Variants in SATB2 observed in about 807,000 individuals in gnomAD.
SATB2 encodes the protein SATB homeobox 2.
A neutral mutation model predicts 73.4 loss-of-function variants in SATB2; 1 was observed. That is an observed-to-expected ratio of 0.01 (90% CI 0.00 to 0.06). SATB2 has a LOEUF of 0.06. Among genes scored for constraint, SATB2 ranks in the 10% least tolerant of loss-of-function variants. The pLI is 1.00. For synonymous variants in SATB2, 397 were observed against 367.0 expected (o/e 1.08, Z -0.93); for missense variants, 459 against 945.8 (o/e 0.49, Z 6.75).
At chr2:199,410,597 G>A (rs1690782672) in intron 3 of SATB2, among the ~76,000 whole-genome samples, 1 of 152,198 alleles carries the variant, frequency 6.6e-6, no homozygotes, top group Admixed American at 6.5e-5. Flanking sequence ...CAATCTTGAG[G>A]TGAGACCACA....
intron 5 of SATB2, among the ~76,000 whole-genome samples, chr2:199,370,946 C>CAAAAAAAA (rs67348909): frequency 2.9e-5 from 2 of 69,560 alleles, no homozygotes; most frequent in African/African-American, 5.1e-5. Flanking sequence ...ATGAACTGAG[C>CAAAAAAAA]AAAAAAAAAA....
intron 3 of SATB2, among the ~76,000 whole-genome samples, chr2:199,391,974 T>C (rs1266522491): frequency 1.3e-5 from 2 of 152,312 alleles, no homozygotes; most frequent in East Asian, 3.9e-4. Context: ...GGGTTGTTTT[T>C]CTCTCCATTC....
At chr2:199,376,017 C>T (rs16831398) in intron 5 of SATB2, among the ~76,000 whole-genome samples, 3,084 of 152,238 alleles carry the variant, frequency 0.02, 101 homozygotes, top group African/African-American at 0.069. Context: ...ACAAAATAGG[C>T]GCGCTTATCT....
At chr2:199,409,465 C>A (rs1187911914) in intron 3 of SATB2, among the ~76,000 whole-genome samples, 1 of 152,256 alleles carries the variant, frequency 6.6e-6, no homozygotes, top group South Asian at 2.1e-4. Flanking sequence ...CCACTGCGCC[C>A]GGCCGCAAAC....
At chr2:199,325,456 T>C (rs1216474938) in intron 8 of SATB2, 2 of 152,134 alleles carry the variant, frequency 1.3e-5, no homozygotes, top group Non-Finnish European at 2.9e-5. Flanking sequence ...ATCTCCAATT[T>C]ATGCCAGGTG....
At chr2:199,448,011 C>T (rs907467142) in intron 2 of SATB2, among the ~76,000 whole-genome samples, 4 of 152,150 alleles carry the variant, frequency 2.6e-5, no homozygotes, top group African/African-American at 9.7e-5. Flanking sequence ...CTCTCCACTG[C>T]CTCAGAAGAC....
intron 3 of SATB2, 32 bp from the exon 4 acceptor site, chr2:199,381,852 T>A (rs1217297550): frequency 1.9e-6 from 3 of 1,610,928 alleles, no homozygotes; most frequent in Non-Finnish European, 1.7e-6. Flanking sequence ...AATAAACACA[T>A]ATCTGCTATT....
At chr2:199,290,284 C>T (rs765167335) in intron 10 of SATB2, among the ~76,000 whole-genome samples, 6 of 152,226 alleles carry the variant, frequency 3.9e-5, no homozygotes, top group Non-Finnish European at 7.3e-5. Context: ...CTTACTTATA[C>T]GCTGTATTAT....
Position 199,322,357 on chromosome 2 carries a change from G to A in SATB2, c.1542+1446C>T, listed in dbSNP as rs117685612. On this transcript the variant is annotated intron_variant, in intron 9 of 10. Coordinates refer to ENST00000417098, the MANE Select transcript of SATB2 (RefSeq NM_001172509.2). ...AAATGCACAGTAGTTTTGCCAAGTG[G>A]CATTATGCATTTAACAGCTTTATTC... 6.8e-3 allele frequency among the ~76,000 whole-genome samples: 1,041 copies of A among 152,248 alleles called. 24 individuals carry two copies. The highest frequency in any genetic ancestry group is 0.043 in the Admixed American group (661 of 15,278).
chr2:199,359,712 C>A (rs974403663), intron 6 of SATB2, among the ~76,000 whole-genome samples: 2 of 152,062 alleles, frequency 1.3e-5, no homozygotes, highest in African/African-American at 4.8e-5. Context: ...TCCTGTGTTC[C>A]CAAAACCTCT....
intron 5 of SATB2, among the ~76,000 whole-genome samples, chr2:199,376,469 TG>T (rs1244988961): frequency 6.6e-6 from 1 of 152,220 alleles, no homozygotes; most frequent in African/African-American, 2.4e-5. Flanking sequence ...GGAGACATTT[TG>T]GTTGTCACAA....
chr2:199,281,461 A>C (rs1692492031), intron 10 of SATB2, among the ~76,000 whole-genome samples: 1 of 122,140 alleles, frequency 8.2e-6, no homozygotes, highest in African/African-American at 2.9e-5. Context: ...TGAGAACACA[A>C]ACAAGATGAT....
intron 3 of SATB2, among the ~76,000 whole-genome samples, chr2:199,432,175 A>T (rs941272880): frequency 2.6e-5 from 4 of 152,222 alleles, no homozygotes; most frequent in Non-Finnish European, 5.9e-5. Context: ...CACAATAACT[A>T]GTAGGGTACT....
At chr2:199,465,828 C>G (rs1692582873), upstream of SATB2, among the ~76,000 whole-genome samples, 1 of 152,080 alleles carries the variant, frequency 6.6e-6, no homozygotes, top group Non-Finnish European at 1.5e-5. Flanking sequence ...CAATGTTAGC[C>G]TAACGAAATG....
chr2:199,451,345 A>G (rs532141739), intron 2 of SATB2, among the ~76,000 whole-genome samples: 144 of 152,006 alleles, frequency 9.5e-4, no homozygotes, highest in African/African-American at 3.4e-3. Flanking sequence ...AAAACACTTT[A>G]GAGAAGAGTT....
chr2:199,350,885 T>C (rs1688795064), intron 6 of SATB2, among the ~76,000 whole-genome samples: 1 of 151,828 alleles, frequency 6.6e-6, no homozygotes, highest in Non-Finnish European at 1.5e-5. Flanking sequence ...TAGCCAGGCA[T>C]GGTGGCATGC....
At chr2:199,412,393 T>C (rs1022296702) in intron 3 of SATB2, among the ~76,000 whole-genome samples, 2 of 152,052 alleles carry the variant, frequency 1.3e-5, no homozygotes, top group African/African-American at 4.8e-5. Flanking sequence ...TGATGAAGCA[T>C]AACCCCAAAT....
chr2:199,422,031 A>G (rs1691186939), intron 3 of SATB2, among the ~76,000 whole-genome samples: 1 of 152,222 alleles, frequency 6.6e-6, no homozygotes, highest in Non-Finnish European at 1.5e-5. Flanking sequence ...TTAATAGATA[A>G]TCAAGAGAAA....
chr2:199,396,497 T>C (rs1690305292), intron 3 of SATB2: 1 of 152,164 alleles, frequency 6.6e-6, no homozygotes, highest in African/African-American at 2.4e-5. Context: ...CATTTTGCAT[T>C]TGGAATGTAG....
Sources: gnomAD v4.1 joint callset for allele counts (sites outside exome capture counted in the v4.1 genomes callset) on GRCh38, gnomAD v4.1.1 for gene constraint, MANE v1.5 for transcripts, NCBI Gene and HGNC (gene_info 2026-07-23, HGNC 2026-07-21) for gene names.